GAB1: variants seen among roughly 807,000 people sequenced by gnomAD.
GAB1 encodes the protein GRB2-associated-binding protein 1.
In GAB1, 19 loss-of-function variants were observed where a neutral mutation model predicts 66.5. The observed-to-expected ratio is 0.29, with a 90% CI of 0.20 to 0.42. The LOEUF is 0.42. GAB1 is among the 10% of genes least tolerant of loss of function. The pLI, the probability that GAB1 is intolerant of heterozygous loss-of-function variation, is 1.00. For missense variants in GAB1, 732 were observed against 858.5 expected (o/e 0.85, Z 1.84); for synonymous variants, 294 against 301.4 (o/e 0.98, Z 0.25).
intron 4 of GAB1, 24 bp from the exon 5 acceptor site, chr4:143,439,778 T>G: frequency 6.5e-7 from 1 of 1,538,428 alleles, no homozygotes; most frequent in Non-Finnish European, 9.0e-7. Context: ...GGAATAAATG[T>G]TGATAGTTTG....
intron 1 of GAB1, among the ~76,000 whole-genome samples, chr4:143,338,940 A>G (rs1476937952): frequency 6.6e-6 from 1 of 152,236 alleles, no homozygotes; most frequent in Non-Finnish European, 1.5e-5. Context: ...GACACCAACC[A>G]TAAGGTCACA....
Position 143,336,886 on chromosome 4 carries a change from T to A in GAB1, c.-303T>A, listed in dbSNP as rs1440889498. ...GCACCGAGTCGGGGCAGAGTCCCGC[T>A]GAGTCCGAGCGCTGCTGAGGCAGCT... is the stretch of plus-strand genomic sequence containing the variant. On this transcript the variant is annotated 5_prime_UTR_variant, in exon 1 of 10. Coordinates refer to ENST00000262994, the MANE Select transcript of GAB1 (RefSeq NM_002039.4). 4 of 425,712 alleles carry A rather than the reference T, an allele frequency of 9.4e-6. No homozygotes were observed. The East Asian group carries it at 1.8e-4, about 19-fold the overall frequency. 26.4% of individuals were successfully genotyped at this position (425,712 alleles called of 1,614,324 possible).
chr4:143,417,264 G>A (rs1456945911), intron 2 of GAB1, among the ~76,000 whole-genome samples: 1 of 152,166 alleles, frequency 6.6e-6, no homozygotes, highest in Non-Finnish European at 1.5e-5. Context: ...AAGGCTCTGA[G>A]TGAAAAAGGC....
chr4:143,345,103 T>C (rs191628222), intron 1 of GAB1, among the ~76,000 whole-genome samples: 8 of 152,364 alleles, frequency 5.3e-5, no homozygotes, highest in Admixed American at 5.2e-4. Flanking sequence ...AGGATATAAG[T>C]TATAAAGGAA....
At chr4:143,396,769 C>T (rs1731476554) in intron 1 of GAB1, among the ~76,000 whole-genome samples, 1 of 152,024 alleles carries the variant, frequency 6.6e-6, no homozygotes, top group African/African-American at 2.4e-5. Flanking sequence ...GGTTGAGGGA[C>T]AGAGGAAGAA....
At chr4:143,457,692 A>C in intron 6 of GAB1, 1 of 1,544,130 alleles carries the variant, frequency 6.5e-7, no homozygotes, top group Non-Finnish European at 8.7e-7. Flanking sequence ...CAAAGTCCTA[A>C]AATTTTAAGA....
At chr4:143,409,137 A>G (rs1732222877) in intron 1 of GAB1, among the ~76,000 whole-genome samples, 2 of 152,184 alleles carry the variant, frequency 1.3e-5, no homozygotes, top group Non-Finnish European at 2.9e-5. Context: ...CTGATGCCTT[A>G]TCTCAGGGGA....
intron 6 of GAB1, among the ~76,000 whole-genome samples, chr4:143,459,070 G>A (rs1735348821): frequency 6.6e-6 from 1 of 152,048 alleles, no homozygotes; most frequent in African/African-American, 2.4e-5. Flanking sequence ...CAACCATAGA[G>A]GAACTGGGTC....
Position 143,466,149 on chromosome 4 carries a change from T to C in GAB1, c.1850T>C (p.Ile617Thr). 2 of 1,613,782 alleles carry C rather than the reference T, an allele frequency of 1.2e-6. No individual in the cohort carries two copies. The highest frequency in any genetic ancestry group is 1.7e-6 in the Non-Finnish European group (2 of 1,179,768). The change falls in exon 9 of 10, where the codon ATC (isoleucine) becomes ACC (threonine). Residue 617 changes from isoleucine (I) to threonine (T), a missense_variant. Coordinates refer to ENST00000262994, the MANE Select transcript of GAB1 (RefSeq NM_002039.4). ...NSLDGGSSPMIKPKGDKQVEY... is the reference protein window; with the variant it reads ...NSLDGGSSPMTKPKGDKQVEY... Reference sequence around the variant, plus strand: ...CTTGATGGAGGAAGCAGCCCTATGATCAAGCCCAAAGGAGACAAACAGGTG... The same window carrying C: ...CTTGATGGAGGAAGCAGCCCTATGACCAAGCCCAAAGGAGACAAACAGGTG...
At chr4:143,373,832 TC>T in intron 1 of GAB1, among the ~76,000 whole-genome samples, 1 of 133,836 alleles carries the variant, frequency 7.5e-6, no homozygotes, top group Non-Finnish European at 1.6e-5. Flanking sequence ...CCTCTCTCTC[TC>T]TCTCTCTCTC....
At chr4:143,441,715 T>C (rs1460901371) in intron 6 of GAB1, among the ~76,000 whole-genome samples, 5 of 152,342 alleles carry the variant, frequency 3.3e-5, no homozygotes, top group African/African-American at 1.2e-4. Flanking sequence ...TGTTTTCTTT[T>C]CTGATTCTTT....
chr4:143,463,044 T>G (rs1735583416), intron 8 of GAB1, among the ~76,000 whole-genome samples: 1 of 152,108 alleles, frequency 6.6e-6, no homozygotes, highest in South Asian at 2.1e-4. Flanking sequence ...ATCTACCAAG[T>G]ACAATAGAAA....
chr4:143,442,381 T>G (rs2149762054), intron 6 of GAB1, among the ~76,000 whole-genome samples: 1 of 152,282 alleles, frequency 6.6e-6, no homozygotes, highest in African/African-American at 2.4e-5. Context: ...CTACCTCCCT[T>G]GCTCCTCTGC....
intron 1 of GAB1, among the ~76,000 whole-genome samples, chr4:143,340,556 A>C (rs552497209): frequency 6.6e-6 from 1 of 152,134 alleles, no homozygotes; most frequent in Non-Finnish European, 1.5e-5. Flanking sequence ...TGTCACCCAG[A>C]CTGGAGTGCA....
chr4:143,452,323 T>G (rs1193057601), intron 6 of GAB1, among the ~76,000 whole-genome samples: 1 of 152,178 alleles, frequency 6.6e-6, no homozygotes, highest in Non-Finnish European at 1.5e-5. Flanking sequence ...GGGCTTTAGC[T>G]TTTAAGAGTT....
intron 1 of GAB1, among the ~76,000 whole-genome samples, chr4:143,352,452 T>C (rs1729268083): frequency 6.6e-6 from 1 of 152,222 alleles, no homozygotes; most frequent in Admixed American, 6.5e-5. Flanking sequence ...AGGAGTTTTC[T>C]CTTTTCAGAT....
intron 1 of GAB1, among the ~76,000 whole-genome samples, chr4:143,382,636 G>A (rs995136503): frequency 6.6e-6 from 1 of 152,192 alleles, no homozygotes; most frequent in Non-Finnish European, 1.5e-5. Flanking sequence ...TTGGTTAGTT[G>A]AGGTTATTTT....
At chr4:143,375,415 G>A (rs551710059) in intron 1 of GAB1, among the ~76,000 whole-genome samples, 8 of 152,280 alleles carry the variant, frequency 5.3e-5, no homozygotes, top group Admixed American at 1.3e-4. Context: ...GCTTCTTGCC[G>A]TATCTGAGCA....
chr4:143,366,816 T>G (rs1042765592), intron 1 of GAB1, among the ~76,000 whole-genome samples: 4 of 152,140 alleles, frequency 2.6e-5, no homozygotes, highest in Admixed American at 2.6e-4. Flanking sequence ...AAATTGATTT[T>G]CAATTCAATT....
Sources: gnomAD v4.1 joint callset for allele counts (sites outside exome capture counted in the v4.1 genomes callset) on GRCh38, gnomAD v4.1.1 for gene constraint, MANE v1.5 for transcripts, NCBI Gene and HGNC (gene_info 2026-07-23, HGNC 2026-07-21) for gene names.